The following HIBCH variants were observed in gnomAD, a reference collection of about 807,000 sequenced individuals.
HIBCH encodes 3-hydroxyisobutyryl-CoA hydrolase, also known as 3-hydroxyisobutyryl-CoA hydrolase, mitochondrial.
A neutral mutation model predicts 58.2 loss-of-function variants in HIBCH; 50 were observed. The observed-to-expected ratio is 0.86, with a 90% confidence interval of 0.68 to 1.09. The LOEUF is 1.09. Among genes scored for constraint, HIBCH ranks in the 50% least tolerant of loss-of-function variants. HIBCH has a pLI of 0.00. For synonymous variants in HIBCH, 151 were observed against 146.9 expected (o/e 1.03, Z -0.20); for missense variants, 450 against 449.7 (o/e 1.00, Z -0.01).
intron 6 of HIBCH, among the ~76,000 whole-genome samples, chr2:190,262,934 T>C (rs1484502963): frequency 6.6e-6 from 1 of 152,168 alleles, no homozygotes; most frequent in Admixed American, 6.5e-5. Context: ...TCAATAAAGA[T>C]GAAGGTTCAG....
chr2:190,275,516 T>C (rs1444455326), intron 6 of HIBCH, among the ~76,000 whole-genome samples: 1 of 152,172 alleles, frequency 6.6e-6, no homozygotes, highest in Non-Finnish European at 1.5e-5. Flanking sequence ...CTAAGAGGGA[T>C]AGGACAGCAG....
At chr2:190,213,151 T>C (rs1690553912) in intron 11 of HIBCH, 76 bp from the exon 12 acceptor site, 1 of 1,170,378 alleles carries the variant, frequency 8.5e-7, no homozygotes. Context: ...AGAGTGTCTA[T>C]GTAAATAATA....
chr2:190,226,914 C>T (rs1410966284), intron 11 of HIBCH, among the ~76,000 whole-genome samples: 1 of 152,086 alleles, frequency 6.6e-6, no homozygotes, highest in Admixed American at 6.6e-5. Flanking sequence ...AACCACTGCT[C>T]AACGAAATAA....
At chr2:190,230,307 G>A (rs1219441949) in intron 11 of HIBCH, among the ~76,000 whole-genome samples, 1 of 152,150 alleles carries the variant, frequency 6.6e-6, no homozygotes, top group African/African-American at 2.4e-5. Flanking sequence ...AAAAACAGTA[G>A]TAGTAAAAAA....
At position 190,209,967 on chromosome 2, in the gene HIBCH, T is replaced by G. The variant is rs977002324; in HGVS notation, c.1012-1054A>C. ...CAAGCACAGTGTCCGACACTAAGTG[T>G]TCAGTAAATATTAACTACCATTAGT... On this transcript the variant is annotated intron_variant, in intron 12 of 13. Transcript: ENST00000359678. This position sits in a 1 kb window ranked among gnomAD's most constrained non-coding sequence, Gnocchi z 5.6. Among the ~76,000 whole-genome samples the G allele has an allele frequency of 6.6e-6, 1 of 152,182 alleles. No homozygotes were observed. Among genetic ancestry groups the G allele is most frequent in the African/African-American group, 2.4e-5 (1 of 41,448 alleles).
At chr2:190,286,630 C>T (rs1443845255) in intron 6 of HIBCH, among the ~76,000 whole-genome samples, 1 of 152,172 alleles carries the variant, frequency 6.6e-6, no homozygotes, top group Non-Finnish European at 1.5e-5. Context: ...TTGTCAGTAC[C>T]ATACAATTTA....
At position 190,281,266 on chromosome 2, in the gene HIBCH, GCTTT is replaced by G. The variant is rs1687697230; in HGVS notation, c.438+6316_438+6319del. Among the ~76,000 whole-genome samples the G allele has an allele frequency of 6.6e-6, 1 of 152,150 alleles. No individual in the cohort carries two copies. Among genetic ancestry groups the G allele is most frequent in the Admixed American group, 6.5e-5 (1 of 15,276 alleles). Reference sequence around the variant, plus strand: ...GAGGCTCACATGCCTTCCTAGCTCTGCTTTCTGACAGCCTGCAGAATTAGCACCA... The same window carrying G: ...GAGGCTCACATGCCTTCCTAGCTCTGCTGACAGCCTGCAGAATTAGCACCA... On this transcript the variant is annotated intron_variant, in intron 6 of 13. Coordinates refer to ENST00000359678, the MANE Select transcript of HIBCH (RefSeq NM_014362.4). This position sits in a 1 kb window ranked among gnomAD's most constrained non-coding sequence, Gnocchi z 5.4.
intron 1 of HIBCH, among the ~76,000 whole-genome samples, chr2:190,194,563 G>T (rs188623968): frequency 6.6e-6 from 1 of 151,076 alleles, no homozygotes; most frequent in African/African-American, 2.4e-5. Flanking sequence ...TGAAATCCAC[G>T]TTATTTTAGG....
intron 13 of HIBCH, among the ~76,000 whole-genome samples, chr2:190,205,853 A>G (rs1418532896): frequency 1.3e-5 from 2 of 152,192 alleles, no homozygotes; most frequent in Admixed American, 1.3e-4. Context: ...ATTATGAGGC[A>G]ATCTGTAACT....
In HIBCH at chr2:190,215,901, C is replaced by G. The variant is rs1690616390; in HGVS notation, c.892-2826G>C. On this transcript the variant is annotated intron_variant, in intron 11 of 13. Coordinates refer to ENST00000359678, the MANE Select transcript of HIBCH (RefSeq NM_014362.4). The surrounding 1 kb of genome is among the most constrained non-coding windows in gnomAD (Gnocchi z 4.4). Reference sequence around the variant, plus strand: ...GGTGCCCAGAGAAAAAGAGTCAGAACTGTCTGTCAGACACGGGGGAGCCAG... The same window carrying G: ...GGTGCCCAGAGAAAAAGAGTCAGAAGTGTCTGTCAGACACGGGGGAGCCAG... 6.6e-6 allele frequency: 1 copy of G among 152,464 alleles called. No individual in the cohort carries two copies. The highest frequency in any genetic ancestry group is 2.4e-5 in the African/African-American group (1 of 41,406). The allele number at this position is 152,464 out of a possible 1,614,324, so 9.4% of individuals were successfully genotyped here.
intron 6 of HIBCH, among the ~76,000 whole-genome samples, chr2:190,264,372 A>C (rs1687174393): frequency 6.6e-6 from 1 of 152,022 alleles, no homozygotes; most frequent in Non-Finnish European, 1.5e-5. Context: ...ATATAGTTTC[A>C]ATGAATTATC....
chr2:190,308,203 A>T (rs1368853062), intron 2 of HIBCH, among the ~76,000 whole-genome samples: 1 of 152,160 alleles, frequency 6.6e-6, no homozygotes, highest in Non-Finnish European at 1.5e-5. Context: ...CATAGTCCTC[A>T]TATGATCTGG....
At chr2:190,191,166 C>A (rs1182429559) in intron 1 of HIBCH, among the ~76,000 whole-genome samples, 1 of 152,060 alleles carries the variant, frequency 6.6e-6, no homozygotes, top group Non-Finnish European at 1.5e-5. Flanking sequence ...GAGATGGAGT[C>A]TCACTCTGTC....
intron 11 of HIBCH, among the ~76,000 whole-genome samples, chr2:190,233,762 T>G (rs1686182073): frequency 6.6e-6 from 1 of 152,226 alleles, no homozygotes; most frequent in South Asian, 2.1e-4. Context: ...GATAAATATA[T>G]GAAATGGTGC....
chr2:190,237,033 T>C (rs889191747), intron 11 of HIBCH, among the ~76,000 whole-genome samples: 4 of 152,232 alleles, frequency 2.6e-5, no homozygotes, highest in Admixed American at 2.6e-4. Flanking sequence ...AATGGGTACA[T>C]TCAGCAAATA....
At chr2:190,270,110 TA>T (rs1687349171) in intron 6 of HIBCH, among the ~76,000 whole-genome samples, 1 of 152,048 alleles carries the variant, frequency 6.6e-6, no homozygotes, top group East Asian at 1.9e-4. Context: ...GACAAATACC[TA>T]ATACATGCAG....
At chr2:190,305,791 G>C (rs897155963) in intron 2 of HIBCH, among the ~76,000 whole-genome samples, 3 of 151,954 alleles carry the variant, frequency 2.0e-5, no homozygotes, top group African/African-American at 7.3e-5. Context: ...TATAAAGTCA[G>C]GTAATAAAAT....
At chr2:190,312,133 A>C (rs1319728357) in intron 1 of HIBCH, among the ~76,000 whole-genome samples, 1 of 152,230 alleles carries the variant, frequency 6.6e-6, no homozygotes, top group Admixed American at 6.5e-5. Context: ...GCAGTGATTG[A>C]GAGAGGCATG....
chr2:190,226,510 G>A lies in HIBCH; in HGVS notation c.892-13435C>T, dbSNP rs764817256. On this transcript the variant is annotated intron_variant, in intron 11 of 13. Coordinates refer to ENST00000359678, the MANE Select transcript of HIBCH (RefSeq NM_014362.4). The stretch of plus-strand genomic sequence containing the variant: ...CTAGGGAGGCTGAGGCAGGAGAATC[G>A]CTTGAACCTGGGAGGTGGAGGTTGC... 4.0e-5 allele frequency among the ~76,000 whole-genome samples: 6 copies of A among 149,248 alleles called. No individual in the cohort carries two copies. The East Asian group carries it at 5.9e-4, about 15-fold the overall frequency.
Sources: allele counts gnomAD v4.1 joint callset (sites outside exome capture counted in the v4.1 genomes callset), GRCh38; gene constraint gnomAD v4.1.1; non-coding constraint Gnocchi (gnomAD v3.1); transcripts MANE v1.5; gene names NCBI Gene and HGNC (gene_info 2026-07-23, HGNC 2026-07-21).